Variants in NAV2 observed in about 807,000 individuals in gnomAD.
NAV2 encodes the protein neuron navigator 2.
Under a neutral mutation model 223.2 loss-of-function variants are expected in NAV2, and 54 were observed. The ratio of observed to expected loss-of-function variants is 0.24; its 90% CI spans 0.19 to 0.30. NAV2 has a LOEUF of 0.30. Ranked by LOEUF, NAV2 falls within the 10% of genes least tolerant of loss-of-function variation. The pLI, the probability that NAV2 is intolerant of heterozygous loss-of-function variation, is 1.00. For missense variants in NAV2, 2,806 were observed against 3,147.5 expected (o/e 0.89, Z 2.60); for synonymous variants, 1,279 against 1,239.3 (o/e 1.03, Z -0.67).
Position 19,391,441 on chromosome 11 carries a change from A to T in NAV2, c.75+40414A>T, listed in dbSNP as rs368488201. Among the ~76,000 whole-genome samples the T allele has an allele frequency of 4.6e-5, 7 of 152,306 alleles. No homozygotes were observed. In the South Asian group the frequency reaches 1.5e-3, roughly 32 times the overall value. On this transcript the variant is annotated intron_variant, in intron 1 of 37. Transcript: ENST00000360655. The stretch of plus-strand genomic sequence containing the variant: ...ATCATCACCCTCGAGTTAAACCCCC[A>T]GTGAGTTCTGATGCTCTCAGTTTCA...
chr11:19,569,763 C>A (rs898833495), intron 1 of NAV2, among the ~76,000 whole-genome samples: 5 of 152,132 alleles, frequency 3.3e-5, no homozygotes, highest in African/African-American at 1.2e-4. Flanking sequence ...GAACTGATTA[C>A]AATGTGATGC....
intron 1 of NAV2, among the ~76,000 whole-genome samples, chr11:19,519,477 A>G (rs2043573150): frequency 6.6e-6 from 1 of 152,238 alleles, no homozygotes; most frequent in Non-Finnish European, 1.5e-5. Flanking sequence ...CCCTTGCTCA[A>G]GGCCACAGAG....
chr11:19,987,830 G>A (rs1357403283), intron 11 of NAV2, among the ~76,000 whole-genome samples: 1 of 152,202 alleles, frequency 6.6e-6, no homozygotes, highest in African/African-American at 2.4e-5. Flanking sequence ...CAGCAGACTA[G>A]AGCCAGGTGT....
At chr11:19,487,217 A>G (rs983327676) in intron 1 of NAV2, among the ~76,000 whole-genome samples, 1 of 152,228 alleles carries the variant, frequency 6.6e-6, no homozygotes, top group Non-Finnish European at 1.5e-5. Context: ...TTTAGAATGT[A>G]AAGACTCATC....
chr11:19,599,253 C>G (rs1256017789), intron 1 of NAV2, among the ~76,000 whole-genome samples: 2 of 152,200 alleles, frequency 1.3e-5, no homozygotes, highest in Non-Finnish European at 1.5e-5. Flanking sequence ...TCTTTGGTTT[C>G]TTTCCCCCTG....
intron 24 of NAV2, among the ~76,000 whole-genome samples, chr11:20,079,077 G>A (rs769646105): frequency 6.6e-6 from 1 of 152,112 alleles, no homozygotes; most frequent in Non-Finnish European, 1.5e-5. Context: ...GTTTCACTCT[G>A]TTGCCCAGGC....
At chr11:19,721,307 T>A (rs1408897874) in intron 1 of NAV2, among the ~76,000 whole-genome samples, 1 of 152,234 alleles carries the variant, frequency 6.6e-6, no homozygotes, top group Non-Finnish European at 1.5e-5. Context: ...TAAGTAAGTA[T>A]TAGTTGCTTA....
At chr11:19,374,341 G>C (rs1286803998) in intron 1 of NAV2, among the ~76,000 whole-genome samples, 1 of 125,798 alleles carries the variant, frequency 7.9e-6, no homozygotes, top group Non-Finnish European at 1.6e-5. Context: ...TTTAAAATCA[G>C]CTATTAAATG....
At chr11:19,984,345 T>G in intron 11 of NAV2, 98 bp downstream of exon 11, 2 of 1,571,908 alleles carry the variant, frequency 1.3e-6, no homozygotes, top group Non-Finnish European at 8.7e-7. Context: ...AATGGAGACT[T>G]GAACCCACAG....
chr11:19,888,262 T>C (rs1342175362), intron 5 of NAV2, among the ~76,000 whole-genome samples: 1 of 152,210 alleles, frequency 6.6e-6, no homozygotes, highest in Non-Finnish European at 1.5e-5. Flanking sequence ...AAGGAGCTAT[T>C]GGGACTTTCT....
chr11:20,036,233 T>C (rs2056359665), intron 12 of NAV2, 136 bp downstream of exon 12: 1 of 1,005,702 alleles, frequency 9.9e-7, no homozygotes, highest in Admixed American at 2.3e-5. Context: ...TCCTGCCGCC[T>C]CTGCTCTCAC....
At chr11:19,567,797 G>T (rs1199788436) in intron 1 of NAV2, among the ~76,000 whole-genome samples, 1 of 152,048 alleles carries the variant, frequency 6.6e-6, no homozygotes, top group Non-Finnish European at 1.5e-5. Flanking sequence ...CTTTCAAAAA[G>T]AAAATCCTCC....
upstream of NAV2, among the ~76,000 whole-genome samples, chr11:19,349,056 A>G (rs1355550883): frequency 6.6e-6 from 1 of 152,142 alleles, no homozygotes; most frequent in East Asian, 1.9e-4. Flanking sequence ...TTTTTTCTAA[A>G]AGCTCAGCTA....
At chr11:19,625,917 A>G (rs186007752) in intron 1 of NAV2, among the ~76,000 whole-genome samples, 203 of 151,910 alleles carry the variant, frequency 1.3e-3, no homozygotes, top group African/African-American at 4.7e-3. Flanking sequence ...AGTTCCTTGT[A>G]TATTCTGGAT....
At chr11:20,027,155 G>T (rs2055167929) in intron 11 of NAV2, 1 of 588,528 alleles carries the variant, frequency 1.7e-6, no homozygotes. Flanking sequence ...TGATGCTCCC[G>T]AGAAAACCTC....
intron 1 of NAV2, among the ~76,000 whole-genome samples, chr11:19,472,130 T>C (rs1460039156): frequency 6.6e-6 from 1 of 152,240 alleles, no homozygotes; most frequent in Non-Finnish European, 1.5e-5. Flanking sequence ...TGTTCATCTG[T>C]AGAATGGGAG....
intron 1 of NAV2, among the ~76,000 whole-genome samples, chr11:19,357,090 T>A (rs902024338): frequency 1.3e-5 from 2 of 152,206 alleles, no homozygotes. Flanking sequence ...ACCAAATCAT[T>A]GAGTCCTCAG....
chr11:19,580,126 G>C (rs938750664), intron 1 of NAV2, among the ~76,000 whole-genome samples: 1 of 152,072 alleles, frequency 6.6e-6, no homozygotes, highest in Non-Finnish European at 1.5e-5. Flanking sequence ...TGACCCAACC[G>C]GGGGGTGGGG....
intron 6 of NAV2, among the ~76,000 whole-genome samples, chr11:19,932,828 G>C (rs573550068): frequency 4.6e-5 from 7 of 152,266 alleles, no homozygotes; most frequent in African/African-American, 1.7e-4. Flanking sequence ...TGGGAAACAG[G>C]CTATGGGATG....
Sources: gnomAD v4.1 joint callset for allele counts (sites outside exome capture counted in the v4.1 genomes callset) on GRCh38, gnomAD v4.1.1 for gene constraint, MANE v1.5 for transcripts, NCBI Gene and HGNC (gene_info 2026-07-23, HGNC 2026-07-21) for gene names.